The following SOS2 variants were observed in gnomAD, a reference collection of about 807,000 sequenced individuals.
SOS2 encodes the protein son of sevenless homolog 2.
In SOS2, 65 loss-of-function variants were observed where a neutral mutation model predicts 148.2. That is an observed-to-expected ratio of 0.44 (90% confidence interval 0.36 to 0.54). SOS2 has a LOEUF of 0.54. SOS2 is among the 20% of genes least tolerant of loss of function. The pLI is 0.00. For synonymous variants in SOS2, 539 were observed against 537.1 expected, an observed-to-expected ratio of 1.00 and a Z score of -0.05; for missense variants, 1,341 against 1,590.2, an observed-to-expected ratio of 0.84 and a Z score of 2.67.
Position 50,133,844 on chromosome 14 carries a change from TC to T in SOS2, c.3075+278del, listed in dbSNP as rs200433609. On this transcript the variant is annotated intron_variant, in intron 19 of 22. Coordinates refer to ENST00000216373, the MANE Select transcript of SOS2 (RefSeq NM_006939.4). The stretch of plus-strand genomic sequence containing the variant: ...TCTTTTCTTTTTTTTTCTGTTCCAT[TC>T]AGCTACCTATTAAGTTCTCACTTTC... 0.02 allele frequency among the ~76,000 whole-genome samples: 3,045 copies of T among 152,188 alleles called. 41 individuals are homozygous for T. The highest frequency in any genetic ancestry group is 0.032 in the Non-Finnish European group (2,165 of 68,004).
intron 12 of SOS2, among the ~76,000 whole-genome samples, chr14:50,155,001 T>C (rs1226530302): frequency 2.6e-5 from 4 of 152,070 alleles, no homozygotes; most frequent in African/African-American, 4.8e-5. Flanking sequence ...AAACAAACAC[T>C]GAACTGTTAA....
intron 1 of SOS2, among the ~76,000 whole-genome samples, chr14:50,209,142 G>A (rs1217799116): frequency 1.3e-5 from 2 of 152,158 alleles, no homozygotes; most frequent in Non-Finnish European, 2.9e-5. Flanking sequence ...TATATCATCA[G>A]CTCTTCTGGT....
chr14:50,185,860 T>C (rs771602125), intron 5 of SOS2, among the ~76,000 whole-genome samples: 16 of 152,120 alleles, frequency 1.1e-4, no homozygotes, highest in Non-Finnish European at 1.5e-4. Context: ...AATAACCTAA[T>C]ATCCTTATTA....
At position 50,231,365 on chromosome 14, in the gene SOS2, G is replaced by A; in HGVS notation, c.-82C>T. ...TGACAGGCAGGGCGCGGGCCGCCTC[G>A]CCTCGCCGGCGGCCGCCGCCTCCCG... On this transcript the variant is annotated 5_prime_UTR_variant, in exon 1 of 23. Transcript: ENST00000216373. 2.0e-6 allele frequency: 1 copy of A among 493,216 alleles called. No individual in the cohort carries two copies. Among genetic ancestry groups the A allele is most frequent in the Non-Finnish European group, 2.7e-6 (1 of 370,474 alleles). 30.6% of individuals were successfully genotyped at this position (493,216 alleles called of 1,614,324 possible).
At chr14:50,165,934 T>A (rs747218677) in intron 8 of SOS2, among the ~76,000 whole-genome samples, 6 of 152,154 alleles carry the variant, frequency 3.9e-5, no homozygotes, top group Non-Finnish European at 7.3e-5. Context: ...AGAGTTTATA[T>A]CCAAACCCAG....
chr14:50,229,714 A>C (rs532943535), intron 1 of SOS2, among the ~76,000 whole-genome samples: 1 of 152,190 alleles, frequency 6.6e-6, no homozygotes, highest in Non-Finnish European at 1.5e-5. Flanking sequence ...CTACCTATTG[A>C]ACAAGTTATG....
chr14:50,123,943 G>A (rs1047053863), intron 21 of SOS2, among the ~76,000 whole-genome samples: 2 of 152,132 alleles, frequency 1.3e-5, no homozygotes, highest in African/African-American at 4.8e-5. Context: ...GAAAGGGAGA[G>A]AAGTAAAAGA....
chr14:50,204,091 GT>G lies in SOS2; in HGVS notation c.213+192del, dbSNP rs374242702. ...TCATAAATGTACCCAGTTGTTCTAAGTTTTTTTTTTTCTGAAAAACTTGCCT... is the reference window on the plus strand; with the variant it reads ...TCATAAATGTACCCAGTTGTTCTAAGTTTTTTTTTTCTGAAAAACTTGCCT... On this transcript the variant is annotated intron_variant, in intron 2 of 22. Transcript: ENST00000216373. Among the ~76,000 whole-genome samples, 3,081 of 146,812 alleles carry G rather than the reference GT, an allele frequency of 0.021. 68 individuals are homozygous for G. The highest frequency in any genetic ancestry group is 0.026 in the Non-Finnish European group (1,757 of 66,366).
chr14:50,222,016 G>GA (rs1358212311), intron 1 of SOS2, among the ~76,000 whole-genome samples: 2 of 151,930 alleles, frequency 1.3e-5, no homozygotes, highest in East Asian at 3.9e-4. Flanking sequence ...GAAATATAAT[G>GA]AAAAAAGTTC....
At chr14:50,125,838 G>GA (rs1159415490) in intron 21 of SOS2, among the ~76,000 whole-genome samples, 1 of 152,166 alleles carries the variant, frequency 6.6e-6, no homozygotes, top group African/African-American at 2.4e-5. Context: ...TTATTCTCCG[G>GA]AAAATCTAAA....
At chr14:50,227,765 G>T (rs1035782794) in intron 1 of SOS2, among the ~76,000 whole-genome samples, 1 of 152,038 alleles carries the variant, frequency 6.6e-6, no homozygotes, top group Non-Finnish European at 1.5e-5. Flanking sequence ...CTTGAGATTG[G>T]TTTTTTAAAA....
chr14:50,200,893 GAAATA>G, intron 3 of SOS2, 55 bp downstream of exon 3: 1 of 1,504,550 alleles, frequency 6.6e-7, no homozygotes, highest in Non-Finnish European at 9.2e-7. Flanking sequence ...TATAAATATA[GAAATA>G]AAATATTACT....
chr14:50,154,476 G>C (rs1425001462), intron 12 of SOS2, among the ~76,000 whole-genome samples: 3 of 151,662 alleles, frequency 2.0e-5, no homozygotes, highest in South Asian at 2.1e-4. Flanking sequence ...ACTCCACTCT[G>C]AGTTGTTTAC....
intron 9 of SOS2, among the ~76,000 whole-genome samples, chr14:50,160,827 C>A (rs1414750048): frequency 1.3e-5 from 2 of 152,022 alleles, no homozygotes; most frequent in African/African-American, 2.4e-5. Context: ...TAGCAAAACC[C>A]TATTTCAACA....
At chr14:50,127,138 CTTTT>C (rs5808538) in intron 21 of SOS2, among the ~76,000 whole-genome samples, 8 of 105,314 alleles carry the variant, frequency 7.6e-5, no homozygotes, top group African/African-American at 3.2e-4. Context: ...AGAAGGTCTC[CTTTT>C]TTTTTTTTTT....
Position 50,231,372 on chromosome 14 carries a change from C to G in SOS2, c.-89G>C. 2.6e-6 allele frequency: 1 copy of G among 388,564 alleles called. No individual in the cohort carries two copies. The highest frequency in any genetic ancestry group is 3.6e-6 in the Non-Finnish European group (1 of 280,426). The allele number at this position is 388,564 out of a possible 1,614,324, so 24.1% of individuals were successfully genotyped here. ...CAGGGCGCGGGCCGCCTCGCCTCGCCGGCGGCCGCCGCCTCCCGCCCGGGC... is the reference window on the plus strand; with the variant it reads ...CAGGGCGCGGGCCGCCTCGCCTCGCGGGCGGCCGCCGCCTCCCGCCCGGGC... On this transcript the variant is annotated 5_prime_UTR_variant, in exon 1 of 23. Coordinates refer to ENST00000216373, the MANE Select transcript of SOS2 (RefSeq NM_006939.4).
chr14:50,121,535 G>A (rs982959091), intron 21 of SOS2, among the ~76,000 whole-genome samples: 1 of 146,884 alleles, frequency 6.8e-6, no homozygotes, highest in Non-Finnish European at 1.5e-5. Flanking sequence ...TGGGGGAGGG[G>A]GGGGAGTCCT....
At position 50,221,078 on chromosome 14, in the gene SOS2, GA is replaced by G. The variant is rs777597979; in HGVS notation, c.87+10118del. Among the ~76,000 whole-genome samples, 34 of 152,094 alleles carry G rather than the reference GA, an allele frequency of 2.2e-4. No individual in the cohort carries two copies. In the East Asian group the frequency reaches 6.2e-3, roughly 28 times the overall value. On this transcript the variant is annotated intron_variant, in intron 1 of 22. Coordinates refer to ENST00000216373, the MANE Select transcript of SOS2 (RefSeq NM_006939.4). The stretch of plus-strand genomic sequence containing the variant: ...TCAAACTACAGGAACATGTTTCTAA[GA>G]AAAAAACCAAAAAGTATTAAAAGCC...
chr14:50,184,828 C>T (rs1159685183), intron 5 of SOS2, among the ~76,000 whole-genome samples: 1 of 132,022 alleles, frequency 7.6e-6, no homozygotes. Flanking sequence ...GGTGCCACTG[C>T]ACTTAAGCCT....
Sources: allele counts gnomAD v4.1 joint callset (sites outside exome capture counted in the v4.1 genomes callset), GRCh38; gene constraint gnomAD v4.1.1; transcripts MANE v1.5; gene names NCBI Gene and HGNC (gene_info 2026-07-23, HGNC 2026-07-21).